The following ADPRM variants were observed in gnomAD, a reference collection of about 807,000 sequenced individuals.
ADPRM encodes manganese-dependent ADP-ribose/CDP-alcohol diphosphatase.
ADPRM carries 17 observed loss-of-function variants against 27.2 expected under a neutral mutation model. The observed-to-expected ratio is 0.63, with a 90% CI of 0.43 to 0.94. The LOEUF (loss-of-function observed/expected upper bound fraction) is 0.94. Ranked by LOEUF, ADPRM falls within the 40% of genes least tolerant of loss-of-function variation. The pLI is 0.00. For missense variants in ADPRM, 337 were observed against 412.8 expected (o/e 0.82, Z 1.59); for synonymous variants, 135 against 145.3 (o/e 0.93, Z 0.51).
At chr17:10,699,784 G>A (rs765070589) in intron 1 of ADPRM, among the ~76,000 whole-genome samples, 8 of 151,944 alleles carry the variant, frequency 5.3e-5, no homozygotes, top group Middle Eastern at 3.2e-3. Flanking sequence ...TGCCCGCCTC[G>A]GCCTCCCAAA....
At chr17:10,707,503 T>C (rs1446322382) in intron 3 of ADPRM, among the ~76,000 whole-genome samples, 1 of 152,110 alleles carries the variant, frequency 6.6e-6, no homozygotes, top group East Asian at 1.9e-4. Flanking sequence ...CTAAACAATT[T>C]GTTAGTGGAA....
intron 1 of ADPRM, among the ~76,000 whole-genome samples, chr17:10,701,490 C>A (rs1370436211): frequency 1.3e-5 from 2 of 152,036 alleles, no homozygotes; most frequent in South Asian, 4.2e-4. Context: ...GCCACCACAC[C>A]CGGCTAATTT....
In ADPRM at chr17:10,705,622, G is replaced by C; in HGVS notation, c.601+95G>C. 1 of 1,499,162 alleles carries C rather than the reference G, an allele frequency of 6.7e-7. No individual in the cohort carries two copies. The highest frequency in any genetic ancestry group is 8.9e-7 in the Non-Finnish European group (1 of 1,123,826). The allele number at this position is 1,499,162 out of a possible 1,614,324, so 92.9% of individuals were successfully genotyped here. A position where few individuals can be genotyped will look rare whatever the true frequency, so the allele number is the denominator to read the frequency against. On this transcript the variant is annotated intron_variant, in intron 2 of 3. Coordinates refer to ENST00000379774, the MANE Select transcript of ADPRM (RefSeq NM_020233.5). The surrounding 1 kb of genome is among the most constrained non-coding windows in gnomAD (Gnocchi z 5.4). ...AGGAAGATGGACAATTAAGGTAAAA[G>C]TATATTGTCACTTGTTCAGGGTCAG...
intron 3 of ADPRM, among the ~76,000 whole-genome samples, chr17:10,709,949 C>T (rs1351536627): frequency 6.6e-6 from 1 of 152,146 alleles, no homozygotes; most frequent in Non-Finnish European, 1.5e-5. Context: ...ATAAATCTTC[C>T]CTGTTTTAAC....
chr17:10,705,798 G>A lies in ADPRM; in HGVS notation c.601+271G>A. 1 of 444,566 alleles carries A rather than the reference G, an allele frequency of 2.2e-6. No individual in the cohort carries two copies. The highest frequency in any genetic ancestry group is 4.1e-6 in the Non-Finnish European group (1 of 245,080). The allele number at this position is 444,566 out of a possible 1,614,324, so 27.5% of individuals were successfully genotyped here. A position where few individuals can be genotyped will look rare whatever the true frequency, so the allele number is the denominator to read the frequency against. The stretch of plus-strand genomic sequence containing the variant: ...ATACTAACAATATTACTTTTTTGAT[G>A]GATGGAATGGAGGGAACAAACACAG... On this transcript the variant is annotated intron_variant, in intron 2 of 3. Coordinates refer to ENST00000379774, the MANE Select transcript of ADPRM (RefSeq NM_020233.5). The surrounding 1 kb of genome is among the most constrained non-coding windows in gnomAD (Gnocchi z 5.4).
At chr17:10,703,446 C>A (rs2074792294) in intron 1 of ADPRM, among the ~76,000 whole-genome samples, 1 of 152,118 alleles carries the variant, frequency 6.6e-6, no homozygotes, top group Admixed American at 6.5e-5. Context: ...GCTAGTTATA[C>A]CCAACCAGAT....
intron 1 of ADPRM, among the ~76,000 whole-genome samples, chr17:10,699,423 T>C (rs1270843609): frequency 6.6e-6 from 1 of 152,066 alleles, no homozygotes; most frequent in Non-Finnish European, 1.5e-5. Context: ...TTATCCCTTA[T>C]AGACCTTATC....
intron 3 of ADPRM, among the ~76,000 whole-genome samples, chr17:10,708,117 G>T (rs952790517): frequency 7.9e-5 from 12 of 151,970 alleles, no homozygotes; most frequent in Non-Finnish European, 1.5e-4. Flanking sequence ...TCTCAGTAGT[G>T]TATCTAATGA....
chr17:10,709,209 T>C (rs1567581157), intron 3 of ADPRM, among the ~76,000 whole-genome samples: 1 of 152,088 alleles, frequency 6.6e-6, no homozygotes, highest in Admixed American at 6.5e-5. Flanking sequence ...GGATGAGAAG[T>C]GCGAGTGGAG....
In ADPRM at chr17:10,711,213, C is replaced by A; in HGVS notation, c.*69C>A. The A allele has an allele frequency of 7.9e-7, 1 of 1,261,742 alleles. No individual in the cohort carries two copies. The highest frequency in any genetic ancestry group is 1.1e-6 in the Non-Finnish European group (1 of 916,712). 78.2% of individuals were successfully genotyped at this position (1,261,742 alleles called of 1,614,324 possible). The stretch of plus-strand genomic sequence containing the variant: ...CCCTCCTAAACAAAAAAATAAAAAT[C>A]CTCTGTCTCATTGTTTAGTATTCAG... On this transcript the variant is annotated 3_prime_UTR_variant, in exon 4 of 4. Transcript: ENST00000379774.
chr17:10,702,685 A>G lies in ADPRM; in HGVS notation c.-17-2225A>G, dbSNP rs2151462432. On this transcript the variant is annotated intron_variant, in intron 1 of 3. Coordinates refer to ENST00000379774, the MANE Select transcript of ADPRM (RefSeq NM_020233.5). The surrounding 1 kb of genome is among the most constrained non-coding windows in gnomAD (Gnocchi z 4.2). Reference sequence around the variant, plus strand: ...CAGGTTGAGTTACATGCCTACCCCTAACTGGCCAGAGGAAACTGGGTTTTT... The same window carrying G: ...CAGGTTGAGTTACATGCCTACCCCTGACTGGCCAGAGGAAACTGGGTTTTT... 6.6e-6 allele frequency among the ~76,000 whole-genome samples: 1 copy of G among 152,296 alleles called. No homozygotes were observed. The highest frequency in any genetic ancestry group is 6.5e-5 in the Admixed American group (1 of 15,298).
rs201054767 is a variant in ADPRM, at chr17:10,704,200, C to CAAAG, written c.-17-709_-17-706dup. On this transcript the variant is annotated intron_variant, in intron 1 of 3. Transcript: ENST00000379774. Reference sequence around the variant, plus strand: ...CAAAAACAAAAACAAAAACCACAAACAAAGCAAATTTTAATCCCAGCTATT... The same window carrying CAAAG: ...CAAAAACAAAAACAAAAACCACAAACAAAGAAAGCAAATTTTAATCCCAGCTATT... 4.4e-3 allele frequency among the ~76,000 whole-genome samples: 628 copies of CAAAG among 141,428 alleles called. 2 individuals are homozygous for CAAAG. The highest frequency in any genetic ancestry group is 0.022 in the East Asian group (115 of 5,180). 92.8% of individuals were successfully genotyped at this position (141,428 alleles called of 152,430 possible).
intron 1 of ADPRM, among the ~76,000 whole-genome samples, chr17:10,699,984 AC>A (rs2074765854): frequency 1.3e-5 from 2 of 152,114 alleles, no homozygotes; most frequent in Admixed American, 1.3e-4. Flanking sequence ...ACTTCCCAGC[AC>A]CCTAATGTGT....
In ADPRM at chr17:10,705,466, C is replaced by T. The variant is rs770782140; in HGVS notation, c.540C>T (p.Tyr180=). ...VLGVDQSSPK[Y]EQCMKILREH... The stretch of plus-strand genomic sequence containing the variant: ...GCGTGGATCAGTCTTCTCCAAAATA[C>T]GAGCAGTGTATGAAGATATTGAGGG... The change falls in exon 2 of 4, where the codon TAC becomes TAT. Residue 180 remains tyrosine (Y), a synonymous_variant. Transcript: ENST00000379774. This position sits in a 1 kb window ranked among gnomAD's most constrained non-coding sequence, Gnocchi z 5.4. The T allele has an allele frequency of 2.1e-5, 34 of 1,613,864 alleles. No homozygotes were observed. Among genetic ancestry groups the T allele is most frequent in the African/African-American group, 5.3e-5 (4 of 74,910 alleles).
Position 10,705,873 on chromosome 17 carries a change from C to T in ADPRM, c.601+346C>T, listed in dbSNP as rs1597516288. On this transcript the variant is annotated intron_variant, in intron 2 of 3. Transcript: ENST00000379774. This position sits in a 1 kb window ranked among gnomAD's most constrained non-coding sequence, Gnocchi z 5.4. ...TGAAACAGAAACAAGATTATTTCCACGGTCGTAAGTGCTGCCAAGGAAATA... is the reference window on the plus strand; with the variant it reads ...TGAAACAGAAACAAGATTATTTCCATGGTCGTAAGTGCTGCCAAGGAAATA... 6 of 295,504 alleles carry T rather than the reference C, an allele frequency of 2.0e-5. No homozygotes were observed. The highest frequency in any genetic ancestry group is 8.6e-5 in the South Asian group (2 of 23,294). The allele number at this position is 295,504 out of a possible 1,614,324, so 18.3% of individuals were successfully genotyped here. A position where few individuals can be genotyped will look rare whatever the true frequency, so the allele number is the denominator to read the frequency against.
In ADPRM at chr17:10,705,418, T is replaced by G; in HGVS notation, c.492T>G (p.Asp164Glu). 1 of 1,614,132 alleles carries G rather than the reference T, an allele frequency of 6.2e-7. No homozygotes were observed. The highest frequency in any genetic ancestry group is 1.3e-5 in the African/African-American group (1 of 75,072). Residue 164 changes from aspartate (D) to glutamate (E), a missense_variant, in exon 2 of 4, where the codon GAT (aspartate) becomes GAG (glutamate). Transcript: ENST00000379774. The surrounding 1 kb of genome is among the most constrained non-coding windows in gnomAD (Gnocchi z 5.4). ...CTAAATTCCGGTTCATTTTACTTGA[T>G]GCATATGACTTGAGTGTCTTGGGCG... is the stretch of plus-strand genomic sequence containing the variant. ...PFPKFRFILL[D>E]AYDLSVLGVD...
In ADPRM at chr17:10,702,230, C is replaced by A. The variant is rs1490453972; in HGVS notation, c.-17-2680C>A. ...TGTATATTCAACACTTTGGATCTCT[C>A]TTTTTACCCCAGAACACATCGCTGT... On this transcript the variant is annotated intron_variant, in intron 1 of 3. Coordinates refer to ENST00000379774, the MANE Select transcript of ADPRM (RefSeq NM_020233.5). This position sits in a 1 kb window ranked among gnomAD's most constrained non-coding sequence, Gnocchi z 4.2. Among the ~76,000 whole-genome samples, 1 of 152,230 alleles carries A rather than the reference C, an allele frequency of 6.6e-6. No homozygotes were observed. The highest frequency in any genetic ancestry group is 1.5e-5 in the Non-Finnish European group (1 of 68,036).
In ADPRM at chr17:10,710,927, T is replaced by G; in HGVS notation, c.812T>G (p.Val271Gly). ...ALAVIWSHEC[V>G]VCFFAGHTHD... The stretch of plus-strand genomic sequence containing the variant: ...GCAGTCATTTGGTCTCATGAGTGTG[T>G]GGTGTGTTTCTTTGCTGGTCACACC... Residue 271 changes from valine (V) to glycine (G), a missense_variant, in exon 4 of 4, where the codon GTG (valine) becomes GGG (glycine). Physicochemically the swap from Val to Gly is moderately radical, Grantham distance 109 (BLOSUM62 -3). Coordinates refer to ENST00000379774, the MANE Select transcript of ADPRM (RefSeq NM_020233.5). 1.2e-6 allele frequency: 2 copies of G among 1,614,194 alleles called. No homozygotes were observed. Among genetic ancestry groups the G allele is most frequent in the Non-Finnish European group, 1.7e-6 (2 of 1,180,014 alleles).
At chr17:10,707,115 T>C (rs2151463905) in intron 3 of ADPRM, among the ~76,000 whole-genome samples, 1 of 152,260 alleles carries the variant, frequency 6.6e-6, no homozygotes, top group South Asian at 2.1e-4. Flanking sequence ...TTCACCATGA[T>C]AACTAAGACA....
Sources: allele counts gnomAD v4.1 joint callset (sites outside exome capture counted in the v4.1 genomes callset), GRCh38; gene constraint gnomAD v4.1.1; non-coding constraint Gnocchi (gnomAD v3.1); transcripts MANE v1.5; gene names NCBI Gene and HGNC (gene_info 2026-07-23, HGNC 2026-07-21).